ROBO2: variants seen among roughly 807,000 people sequenced by gnomAD.
The protein encoded by ROBO2 is roundabout guidance receptor 2.
In ROBO2, 53 loss-of-function variants were observed where a neutral mutation model predicts 160.8. That is an observed-to-expected ratio of 0.33 (90% CI 0.26 to 0.41). ROBO2 has a LOEUF of 0.41. Among genes scored for constraint, ROBO2 ranks in the 10% least tolerant of loss-of-function variants. The pLI is 1.00. For synonymous variants in ROBO2, 664 were observed against 611.7 expected, an observed-to-expected ratio of 1.09 and a Z score of -1.26; for missense variants, 1,577 against 1,722.4, an observed-to-expected ratio of 0.92 and a Z score of 1.49.
At chr3:76,420,965 T>C (rs921978580) in intron 2 of ROBO2, among the ~76,000 whole-genome samples, 1 of 152,194 alleles carries the variant, frequency 6.6e-6, no homozygotes, top group African/African-American at 2.4e-5. Flanking sequence ...AGAAATAGTT[T>C]GTATTCAGCC....
rs543766579 is a variant in ROBO2, at chr3:76,533,630, G to T, written c.110-564384G>T. Among the ~76,000 whole-genome samples the T allele has an allele frequency of 2.0e-5, 3 of 152,348 alleles. No homozygotes were observed. The South Asian group carries it at 6.2e-4, about 32-fold the overall frequency. ...GCACAGGCTTTGTGTGAGCAACAAGGCTGCTTATTCACTTGGGTGCAAGTG... is the reference window on the plus strand; with the variant it reads ...GCACAGGCTTTGTGTGAGCAACAAGTCTGCTTATTCACTTGGGTGCAAGTG... On this transcript the variant is annotated intron_variant, in intron 2 of 26. Coordinates refer to the ROBO2 transcript ENST00000487694.
chr3:76,217,219 C>A (rs938577196), intron 2 of ROBO2, among the ~76,000 whole-genome samples: 93 of 152,170 alleles, frequency 6.1e-4, no homozygotes, highest in African/African-American at 2.0e-3. Context: ...CAGGAAAGAT[C>A]TAAAATTGAC....
At chr3:76,827,370 T>C (rs1292493453) in intron 2 of ROBO2, among the ~76,000 whole-genome samples, 2 of 152,198 alleles carry the variant, frequency 1.3e-5, no homozygotes, top group Non-Finnish European at 2.9e-5. Context: ...AGTTAGTATA[T>C]ATGTAATAGC....
chr3:77,566,147 C>T (rs2093473257), intron 12 of ROBO2, among the ~76,000 whole-genome samples: 1 of 152,024 alleles, frequency 6.6e-6, no homozygotes, highest in Non-Finnish European at 1.5e-5. Flanking sequence ...GTGATAGTAA[C>T]TAGCATGCTA....
At chr3:76,465,318 A>G (rs1187453484) in intron 2 of ROBO2, among the ~76,000 whole-genome samples, 3 of 152,068 alleles carry the variant, frequency 2.0e-5, no homozygotes, top group African/African-American at 7.2e-5. Flanking sequence ...TACATTTCAC[A>G]TTTTATTATT....
intron 2 of ROBO2, among the ~76,000 whole-genome samples, chr3:76,363,051 C>G: frequency 6.6e-6 from 1 of 152,006 alleles, no homozygotes; most frequent in East Asian, 1.9e-4. Context: ...TATCCTTGAC[C>G]TTGTCTGGTA....
At chr3:77,165,309 A>G (rs936252543) in intron 2 of ROBO2, among the ~76,000 whole-genome samples, 3 of 148,578 alleles carry the variant, frequency 2.0e-5, no homozygotes, top group Non-Finnish European at 4.5e-5. Context: ...ACTCAGGGTT[A>G]AATGGATTAA....
chr3:76,153,856 T>G (rs1029766268), intron 2 of ROBO2, among the ~76,000 whole-genome samples: 2 of 152,100 alleles, frequency 1.3e-5, no homozygotes, highest in Admixed American at 6.6e-5. Flanking sequence ...ATTCACATCT[T>G]GTCATCAAGA....
At chr3:76,458,704 A>G (rs2077917521) in intron 2 of ROBO2, among the ~76,000 whole-genome samples, 1 of 152,186 alleles carries the variant, frequency 6.6e-6, no homozygotes, top group Non-Finnish European at 1.5e-5. Flanking sequence ...ACAGTTCCAC[A>G]TGGCTGGGTG....
chr3:76,191,049 G>A (rs1701982108), intron 2 of ROBO2, among the ~76,000 whole-genome samples: 1 of 152,070 alleles, frequency 6.6e-6, no homozygotes, highest in Non-Finnish European at 1.5e-5. Flanking sequence ...GATCACAGTT[G>A]TATCAAGATA....
At chr3:77,176,795 C>A (rs528547177) in intron 2 of ROBO2, among the ~76,000 whole-genome samples, 1 of 152,000 alleles carries the variant, frequency 6.6e-6, no homozygotes, top group Non-Finnish European at 1.5e-5. Context: ...AAATTTTGAT[C>A]CAGAAGTCTG....
intron 2 of ROBO2, among the ~76,000 whole-genome samples, chr3:76,010,246 C>G (rs1289581108): frequency 6.6e-6 from 1 of 152,194 alleles, no homozygotes; most frequent in Non-Finnish European, 1.5e-5. Context: ...ATAAGGACTC[C>G]TGGCTAGTTT....
chr3:75,935,923 A>T (rs1188241495), intron 1 of ROBO2, among the ~76,000 whole-genome samples: 2 of 152,130 alleles, frequency 1.3e-5, no homozygotes, highest in Non-Finnish European at 1.5e-5. Context: ...CATTTCTCTA[A>T]GCCTTGTTTT....
intron 2 of ROBO2, among the ~76,000 whole-genome samples, chr3:75,944,611 C>G (rs1329858259): frequency 6.6e-6 from 1 of 152,130 alleles, no homozygotes; most frequent in African/African-American, 2.4e-5. Flanking sequence ...AGCAACTTTT[C>G]TTCCTTAAAT....
chr3:77,343,005 G>A (rs1397759139), intron 2 of ROBO2, among the ~76,000 whole-genome samples: 1 of 151,746 alleles, frequency 6.6e-6, no homozygotes, highest in Admixed American at 6.6e-5. Context: ...TTCCTGGCTT[G>A]CAGATAGCTC....
intron 2 of ROBO2, among the ~76,000 whole-genome samples, chr3:76,194,350 G>GTGTGTATATATA (rs759087780): frequency 7.4e-4 from 31 of 42,044 alleles, no homozygotes; most frequent in African/African-American, 1.8e-3. Flanking sequence ...TGTATGGTGT[G>GTGTGTATATATA]TAAATATATA....
At chr3:77,503,214 A>T (rs2087884345) in intron 5 of ROBO2, among the ~76,000 whole-genome samples, 1 of 151,740 alleles carries the variant, frequency 6.6e-6, no homozygotes, top group African/African-American at 2.4e-5. Flanking sequence ...AATTTTAAAT[A>T]TAAATTAAAA....
At chr3:75,944,937 T>A (rs1948213059) in intron 2 of ROBO2, among the ~76,000 whole-genome samples, 1 of 152,176 alleles carries the variant, frequency 6.6e-6, no homozygotes, top group Non-Finnish European at 1.5e-5. Context: ...CTTTCTGGAT[T>A]GCTTCTTATT....
At chr3:77,399,380 T>C (rs1417763338) in intron 2 of ROBO2, among the ~76,000 whole-genome samples, 1 of 152,168 alleles carries the variant, frequency 6.6e-6, no homozygotes, top group Non-Finnish European at 1.5e-5. Flanking sequence ...TTCCTAGGAA[T>C]CTTTTTTTCT....
Sources: allele counts gnomAD v4.1 joint callset (sites outside exome capture counted in the v4.1 genomes callset), GRCh38; gene constraint gnomAD v4.1.1; transcripts MANE v1.5; gene names NCBI Gene and HGNC (gene_info 2026-07-23, HGNC 2026-07-21).